Variants in RFC5 observed in about 807,000 individuals in gnomAD.
RFC5 encodes A1 36 kDa subunit.
RFC5 carries 26 observed loss-of-function variants against 44.3 expected under a neutral mutation model. The ratio of observed to expected loss-of-function variants is 0.59; its 90% CI spans 0.43 to 0.81. The LOEUF is 0.81. RFC5 is among the 40% of genes least tolerant of loss of function. The pLI is 0.00. For synonymous variants in RFC5, 155 were observed against 155.2 expected, an observed-to-expected ratio of 1.00 and a Z score of 0.01; for missense variants, 328 against 418.6, an observed-to-expected ratio of 0.78 and a Z score of 1.89.
chr12:118,033,283 G>GTTT (rs2031413991), downstream of RFC5: 1 of 152,438 alleles, frequency 6.6e-6, no homozygotes. Context: ...GTACATAAGA[G>GTTT]TATCAGCTAA....
chr12:118,030,622 C>T (rs2031250916), intron 10 of RFC5, among the ~76,000 whole-genome samples: 1 of 152,144 alleles, frequency 6.6e-6, no homozygotes, highest in South Asian at 2.1e-4. Flanking sequence ...GTTCAGAACA[C>T]CGCTGTTGAC....
downstream of RFC5, chr12:118,034,924 A>G (rs2031470915): frequency 1.3e-6 from 2 of 1,498,176 alleles, no homozygotes; most frequent in Admixed American, 3.9e-5. Flanking sequence ...TCTTTCCTTA[A>G]AAAGCTCCAT....
chr12:118,019,812 C>G lies in RFC5; in HGVS notation c.267+44C>G. On this transcript the variant is annotated intron_variant, in intron 3 of 10. Transcript: ENST00000454402. The surrounding 1 kb of genome is among the most constrained non-coding windows in gnomAD (Gnocchi z 4.2). ...ACTCTACAAATAACTTAAGAGACTC[C>G]AGTCTCTTAATTTCAGTTCTGCTGG... 8.8e-6 allele frequency: 13 copies of G among 1,484,576 alleles called. No homozygotes were observed. The highest frequency in any genetic ancestry group is 1.4e-5 in the African/African-American group (1 of 71,396). The allele number at this position is 1,484,576 out of a possible 1,614,324, so 92.0% of individuals were successfully genotyped here.
downstream of RFC5, chr12:118,034,944 A>G (rs375121581): frequency 3.1e-6 from 5 of 1,589,070 alleles, no homozygotes; most frequent in Non-Finnish European, 3.5e-6. Context: ...TGGTATACTC[A>G]GCAGAAAGCA....
intron 6 of RFC5, 27 bp downstream of exon 6, chr12:118,025,037 T>C: frequency 6.2e-7 from 1 of 1,605,562 alleles, no homozygotes; most frequent in Non-Finnish European, 8.5e-7. Flanking sequence ...CCTTTGGGGA[T>C]GGAGTGTAGT....
At chr12:118,018,159 C>A in intron 1 of RFC5, 1 of 595,398 alleles carries the variant, frequency 1.7e-6, no homozygotes, top group Non-Finnish European at 3.1e-6. Flanking sequence ...TAGTTAATTT[C>A]TTGTTATGGC....
Position 118,024,853 on chromosome 12 carries a change from A to T in RFC5, c.424A>T (p.Ile142Phe). The T allele has an allele frequency of 6.2e-7, 1 of 1,604,684 alleles. No individual in the cohort carries two copies. Among genetic ancestry groups the T allele is most frequent in the Non-Finnish European group, 8.5e-7 (1 of 1,176,256 alleles). Residue 142 changes from isoleucine (I) to phenylalanine (F), a missense_variant and splice_region_variant, in exon 6 of 11, where the codon ATT (isoleucine) becomes TTT (phenylalanine). Coordinates refer to ENST00000454402, the MANE Select transcript of RFC5 (RefSeq NM_007370.7). ...GTGGTTTTATTTTCTCTTACTAGTA[A>T]TTGAGAAATTCACAGAAAATACCAG... Reference protein sequence around the residue: ...QDAQNALRRVIEKFTENTRFC... With the variant: ...QDAQNALRRVFEKFTENTRFC...
At chr12:118,036,629 T>C (rs1310045574), downstream of RFC5, 1 of 1,068,528 alleles carries the variant, frequency 9.4e-7, no homozygotes, top group Non-Finnish European at 1.3e-6. Flanking sequence ...TGATTCTCTA[T>C]CCCTTTTCTA....
intron 1 of RFC5, among the ~76,000 whole-genome samples, 181 bp downstream of exon 1, chr12:118,017,073 C>A (rs958942330): frequency 6.6e-6 from 1 of 152,132 alleles, no homozygotes; most frequent in Non-Finnish European, 1.5e-5. Context: ...CAGACTCGTC[C>A]GTTCTGTTTA....
chr12:118,035,588 G>C (rs1421026853), downstream of RFC5: 1 of 403,892 alleles, frequency 2.5e-6, no homozygotes, highest in Non-Finnish European at 4.5e-6. Flanking sequence ...TCACTTTAAT[G>C]CCACAGTAGA....
chr12:118,019,015 C>A lies in RFC5; in HGVS notation c.66-57C>A. On this transcript the variant is annotated intron_variant, in intron 1 of 10. Transcript: ENST00000454402. This position sits in a 1 kb window ranked among gnomAD's most constrained non-coding sequence, Gnocchi z 4.2. ...TGCCTGACCTGCAAGGATTCTTTTG[C>A]ACATAAAATATTCTTGCATTTATAT... 1 of 1,308,158 alleles carries A rather than the reference C, an allele frequency of 7.6e-7. No homozygotes were observed. The highest frequency in any genetic ancestry group is 1.2e-5 in the South Asian group (1 of 84,720). The allele number at this position is 1,308,158 out of a possible 1,614,324, so 81.0% of individuals were successfully genotyped here. A position where few individuals can be genotyped will look rare whatever the true frequency, so the allele number is the denominator to read the frequency against.
intron 4 of RFC5, among the ~76,000 whole-genome samples, chr12:118,021,189 G>A (rs981082898): frequency 6.6e-6 from 1 of 151,912 alleles, no homozygotes; most frequent in African/African-American, 2.4e-5. Flanking sequence ...TGTTATCTAC[G>A]CTTGTATTAG....
At chr12:118,024,113 G>A (rs138435844) in intron 5 of RFC5, among the ~76,000 whole-genome samples, 47 of 152,146 alleles carry the variant, frequency 3.1e-4, no homozygotes, top group African/African-American at 9.6e-4. Context: ...AGGCCAAGGC[G>A]GGCGAATCAT....
chr12:118,019,209 T>A lies in RFC5; in HGVS notation c.130+73T>A. The A allele has an allele frequency of 9.7e-7, 1 of 1,029,638 alleles. No individual in the cohort carries two copies. The highest frequency in any genetic ancestry group is 1.5e-6 in the Non-Finnish European group (1 of 654,368). 63.8% of individuals were successfully genotyped at this position (1,029,638 alleles called of 1,614,324 possible). Reference sequence around the variant, plus strand: ...ATAAATTGCTTGGTGATGTTGTCTCTCCTAAGTAATAACTTCAAAGAATCT... The same window carrying A: ...ATAAATTGCTTGGTGATGTTGTCTCACCTAAGTAATAACTTCAAAGAATCT... On this transcript the variant is annotated intron_variant, in intron 2 of 10. Transcript: ENST00000454402. The surrounding 1 kb of genome is among the most constrained non-coding windows in gnomAD (Gnocchi z 4.2).
At chr12:118,036,321 A>G, downstream of RFC5, 3 of 1,606,014 alleles carry the variant, frequency 1.9e-6, no homozygotes, top group Non-Finnish European at 2.6e-6. Flanking sequence ...AAGTCATAGC[A>G]GGGATTCAGT....
chr12:118,036,748 A>G (rs900331793), downstream of RFC5, among the ~76,000 whole-genome samples: 1 of 152,226 alleles, frequency 6.6e-6, no homozygotes, highest in Non-Finnish European at 1.5e-5. Context: ...GAGAGAATAA[A>G]CCAGATCAGC....
At chr12:118,024,211 C>G (rs544515821) in intron 5 of RFC5, among the ~76,000 whole-genome samples, 4 of 151,718 alleles carry the variant, frequency 2.6e-5, no homozygotes, top group African/African-American at 4.8e-5. Context: ...CGTGGTGGCA[C>G]GTGTCTGTAG....
the RFC5 span, among the ~76,000 whole-genome samples, chr12:118,039,856 G>A: frequency 6.6e-6 from 1 of 151,496 alleles, no homozygotes; most frequent in African/African-American, 2.4e-5. Context: ...CGATTCTCCT[G>A]CCTCAGCCTC....
At chr12:118,040,725 A>G in the RFC5 span, among the ~76,000 whole-genome samples, 3 of 151,260 alleles carry the variant, frequency 2.0e-5, no homozygotes, top group Non-Finnish European at 4.4e-5. Context: ...AGACTGTGGG[A>G]TTACAGGTTC....
Sources: allele counts gnomAD v4.1 joint callset (sites outside exome capture counted in the v4.1 genomes callset), GRCh38; gene constraint gnomAD v4.1.1; non-coding constraint Gnocchi (gnomAD v3.1); transcripts MANE v1.5; gene names NCBI Gene and HGNC (gene_info 2026-07-23, HGNC 2026-07-21).